The following KCNK12 variants were observed in gnomAD, a reference collection of about 807,000 sequenced individuals.
KCNK12 encodes potassium channel subfamily K member 12.
KCNK12 carries 6 observed loss-of-function variants against 25.3 expected under a neutral mutation model. The observed-to-expected ratio is 0.24, with a 90% CI of 0.13 to 0.47. The LOEUF is 0.47. KCNK12 is among the 20% of genes least tolerant of loss of function. KCNK12 has a pLI of 0.99. For synonymous variants in KCNK12, 331 were observed against 311.1 expected (o/e 1.06, Z -0.67); for missense variants, 444 against 661.7 (o/e 0.67, Z 3.61).
intron 1 of KCNK12, among the ~76,000 whole-genome samples, chr2:47,523,780 G>A (rs991882499): frequency 1.3e-5 from 2 of 152,218 alleles, no homozygotes. Flanking sequence ...GCAGCACCAT[G>A]ATACTGTTCA....
At position 47,565,578 on chromosome 2, in the gene KCNK12, T is replaced by G. The variant is rs1328828639; in HGVS notation, c.391+4363A>C. ...ACCTAATAAAAGGAAGCAAAAATATTTCTGTTTATATCAAGCTGCCATTTG... is the reference window on the plus strand; with the variant it reads ...ACCTAATAAAAGGAAGCAAAAATATGTCTGTTTATATCAAGCTGCCATTTG... On this transcript the variant is annotated intron_variant, in intron 1 of 1. Transcript: ENST00000327876. The surrounding 1 kb of genome is among the most constrained non-coding windows in gnomAD (Gnocchi z 5.0). 6.6e-6 allele frequency: 1 copy of G among 152,228 alleles called. No individual in the cohort carries two copies. Among genetic ancestry groups the G allele is most frequent in the Non-Finnish European group, 1.5e-5 (1 of 68,038 alleles). The allele number at this position is 152,228 out of a possible 1,614,324, so 9.4% of individuals were successfully genotyped here.
At chr2:47,532,778 G>GTGCCTTACCTGATCC (rs1197990454) in intron 1 of KCNK12, among the ~76,000 whole-genome samples, 7 of 152,190 alleles carry the variant, frequency 4.6e-5, no homozygotes, top group Non-Finnish European at 7.4e-5. Context: ...GCCCTGCTCT[G>GTGCCTTACCTGATCC]TAGAAACTTC....
rs1669441316 is a variant in KCNK12, at chr2:47,551,873, C to T, written c.391+18068G>A. On this transcript the variant is annotated intron_variant, in intron 1 of 1. Coordinates refer to ENST00000327876, the MANE Select transcript of KCNK12 (RefSeq NM_022055.2). The surrounding 1 kb of genome is among the most constrained non-coding windows in gnomAD (Gnocchi z 5.3). ...ACTACAGTGGCATTACAGAGAAAGC[C>T]TGGAAACATTACAAGGGAGTAGAGC... is the stretch of plus-strand genomic sequence containing the variant. Among the ~76,000 whole-genome samples, 1 of 152,192 alleles carries T rather than the reference C, an allele frequency of 6.6e-6. No individual in the cohort carries two copies. Among genetic ancestry groups the T allele is most frequent in the Admixed American group, 6.5e-5 (1 of 15,274 alleles).
At chr2:47,544,303 G>A (rs1669265627) in intron 1 of KCNK12, among the ~76,000 whole-genome samples, 1 of 152,202 alleles carries the variant, frequency 6.6e-6, no homozygotes, top group African/African-American at 2.4e-5. Context: ...CTTCCCTTTC[G>A]AAGAGCTGTC....
chr2:47,552,604 C>A (rs1488949893), intron 1 of KCNK12, among the ~76,000 whole-genome samples: 1 of 152,002 alleles, frequency 6.6e-6, no homozygotes, highest in Admixed American at 6.6e-5. Flanking sequence ...CCCATCTCTA[C>A]TAAAAATACA....
At chr2:47,546,638 CAGAG>C (rs1176984349) in intron 1 of KCNK12, among the ~76,000 whole-genome samples, 1 of 152,178 alleles carries the variant, frequency 6.6e-6, no homozygotes, top group Non-Finnish European at 1.5e-5. Flanking sequence ...GCCTGGGTGA[CAGAG>C]AGAGACTCTC....
At position 47,549,022 on chromosome 2, in the gene KCNK12, A is replaced by G. The variant is rs1030494808; in HGVS notation, c.391+20919T>C. Among the ~76,000 whole-genome samples the G allele has an allele frequency of 2.6e-5, 4 of 152,368 alleles. No individual in the cohort carries two copies. The East Asian group carries it at 7.7e-4, about 29-fold the overall frequency. On this transcript the variant is annotated intron_variant, in intron 1 of 1. Transcript: ENST00000327876. ...GTTACTCGCAAAGGTCTGAATAACA[A>G]TCTGTGCAGGTACAGGGTAAAACCT...
Position 47,570,005 on chromosome 2 carries a change from C to A in KCNK12, c.327G>T (p.Ala109=). The change falls in exon 1 of 2, where the codon GCG becomes GCT. Residue 109 remains alanine (A), a synonymous_variant. Transcript: ENST00000327876. ...CGGGGAAGTCCCAGCGCGGGCGCAG[C>A]GCGTCGGCGCGGACGCCGGCGGCCA... is the stretch of plus-strand genomic sequence containing the variant. ...AALAAGVRAD[A]LRPRWDFPGA... is the part of the protein sequence containing the mutation. 1 of 1,430,760 alleles carries A rather than the reference C, an allele frequency of 7.0e-7. No homozygotes were observed. Among genetic ancestry groups the A allele is most frequent in the Non-Finnish European group, 9.2e-7 (1 of 1,091,808 alleles). 88.6% of individuals were successfully genotyped at this position (1,430,760 alleles called of 1,614,324 possible). A position where few individuals can be genotyped will look rare whatever the true frequency, so the allele number is the denominator to read the frequency against.
rs1669180740 is a variant in KCNK12, at chr2:47,540,772, A to AAAC, written c.392-18965_392-18964insGTT. Reference sequence around the variant, plus strand: ...GAGACTCCATCCCTAGAAACAATTAAAAACAAACAAACAAACAAACAAACA... The same window carrying AAAC: ...GAGACTCCATCCCTAGAAACAATTAAAACAAACAAACAAACAAACAAACAAACA... On this transcript the variant is annotated intron_variant, in intron 1 of 1. Coordinates refer to ENST00000327876, the MANE Select transcript of KCNK12 (RefSeq NM_022055.2). The surrounding 1 kb of genome is among the most constrained non-coding windows in gnomAD (Gnocchi z 5.4). 6.7e-6 allele frequency among the ~76,000 whole-genome samples: 1 copy of AAAC among 149,944 alleles called. No individual in the cohort carries two copies. Among genetic ancestry groups the AAAC allele is most frequent in the African/African-American group, 2.5e-5 (1 of 40,454 alleles).
At chr2:47,563,560 G>C (rs1306743563) in intron 1 of KCNK12, 1 of 232,970 alleles carries the variant, frequency 4.3e-6, no homozygotes, top group African/African-American at 2.2e-5. Context: ...TGAGGAACAA[G>C]GGTAAATTCA....
chr2:47,563,355 GTGTC>G (rs1314767692), intron 1 of KCNK12: 1 of 233,476 alleles, frequency 4.3e-6, no homozygotes, highest in Non-Finnish European at 8.5e-6. Context: ...GTGTGTGTGT[GTGTC>G]TGTGTGTGCT....
At position 47,562,586 on chromosome 2, in the gene KCNK12, G is replaced by A. The variant is rs1261033714; in HGVS notation, c.391+7355C>T. 2 of 233,936 alleles carry A rather than the reference G, an allele frequency of 8.5e-6. No homozygotes were observed. Among genetic ancestry groups the A allele is most frequent in the Non-Finnish European group, 8.4e-6 (1 of 118,530 alleles). The allele number at this position is 233,936 out of a possible 1,614,324, so 14.5% of individuals were successfully genotyped here. On this transcript the variant is annotated intron_variant, in intron 1 of 1. Coordinates refer to ENST00000327876, the MANE Select transcript of KCNK12 (RefSeq NM_022055.2). The surrounding 1 kb of genome is among the most constrained non-coding windows in gnomAD (Gnocchi z 4.8). Reference sequence around the variant, plus strand: ...TGGAGAGGGGACCTAGAGTCCCCTGGTAGGTGGCTAGGGAATGGCAGGGTT... The same window carrying A: ...TGGAGAGGGGACCTAGAGTCCCCTGATAGGTGGCTAGGGAATGGCAGGGTT...
Position 47,570,071 on chromosome 2 carries a change from C to G in KCNK12, c.261G>C (p.Glu87Asp). The change falls in exon 1 of 2, where the codon GAG becomes GAC. Residue 87 changes from glutamate to aspartate, a missense_variant. Glu to Asp is a conservative substitution (Grantham distance 45). Around this residue, in one of 8 missense-constraint regions of KCNK12, gnomAD observed 106 missense variants for 142.2 expected, o/e 0.75. Coordinates refer to ENST00000327876, the MANE Select transcript of KCNK12 (RefSeq NM_022055.2). ...GCCGGAGGAAGGCGCGCAGCTCTGG[C>G]TCGGCCACGCCGTGCGCAGCGCTGA... is the stretch of plus-strand genomic sequence containing the variant. ...RNFSAAHGVA[E>D]PELRAFLRHY... is the part of the protein sequence containing the mutation. 5 of 1,393,402 alleles carry G rather than the reference C, an allele frequency of 3.6e-6. No individual in the cohort carries two copies. The highest frequency in any genetic ancestry group is 4.7e-6 in the Non-Finnish European group (5 of 1,074,942). 86.3% of individuals were successfully genotyped at this position (1,393,402 alleles called of 1,614,324 possible). A position where few individuals can be genotyped will look rare whatever the true frequency, so the allele number is the denominator to read the frequency against.
intron 1 of KCNK12, among the ~76,000 whole-genome samples, chr2:47,559,527 C>T (rs1380993886): frequency 6.6e-6 from 1 of 152,196 alleles, no homozygotes; most frequent in East Asian, 1.9e-4. Flanking sequence ...ACAGAAATTA[C>T]CTCTTTGCTG....
At position 47,510,356 on chromosome 2, in the gene KCNK12, A is replaced by G. The variant is rs1668371315; in HGVS notation, c.*10551T>C. On this transcript the variant is annotated 3_prime_UTR_variant, in exon 2 of 2. Coordinates refer to ENST00000327876, the MANE Select transcript of KCNK12 (RefSeq NM_022055.2). ...AATAAACCTTGATTTTTATTCCTTA[A>G]AACTACCCTTCAATGGGTTTTCTGT... The G allele has an allele frequency of 6.6e-6, 1 of 152,200 alleles. No individual in the cohort carries two copies. Among genetic ancestry groups the G allele is most frequent in the African/African-American group, 2.4e-5 (1 of 41,438 alleles). 9.4% of individuals were successfully genotyped at this position (152,200 alleles called of 1,614,324 possible).
rs1233548480 is a variant in KCNK12 at position 47,518,253 on chromosome 2, CA to C, written c.*2653del. ...CTGAGACTGGATTGGGGGATGGGGA[CA>C]GGGGAACATAGGCAAAAATACACAT... On this transcript the variant is annotated 3_prime_UTR_variant, in exon 2 of 2. Coordinates refer to ENST00000327876, the MANE Select transcript of KCNK12 (RefSeq NM_022055.2). This position sits in a 1 kb window ranked among gnomAD's most constrained non-coding sequence, Gnocchi z 4.1. 2 of 152,310 alleles carry C rather than the reference CA, an allele frequency of 1.3e-5. No individual in the cohort carries two copies. The highest frequency in any genetic ancestry group is 4.8e-5 in the African/African-American group (2 of 41,410). 9.4% of individuals were successfully genotyped at this position (152,310 alleles called of 1,614,324 possible).
At chr2:47,524,589 T>C (rs1243466821) in intron 1 of KCNK12, among the ~76,000 whole-genome samples, 2 of 152,142 alleles carry the variant, frequency 1.3e-5, no homozygotes, top group African/African-American at 2.4e-5. Context: ...AAAGTCAGAA[T>C]TGGGATTTCC....
At position 47,570,291 on chromosome 2, in the gene KCNK12, C is replaced by A; in HGVS notation, c.41G>T (p.Arg14Leu). Residue 14 changes from arginine to leucine, a missense_variant, in exon 1 of 2, where the codon CGC becomes CTC. Physicochemically the swap from Arg to Leu is moderately radical, Grantham distance 102. Transcript: ENST00000327876. ...RSPRPPPRRS[R>L]RRLPRPSCCC... ...GCAGGAGGGGCGCGGCAGGCGGCGGCGGCTACGGCGGGGCGGGGGCCGGGG... is the reference window on the plus strand; with the variant it reads ...GCAGGAGGGGCGCGGCAGGCGGCGGAGGCTACGGCGGGGCGGGGGCCGGGG... 1 of 1,373,964 alleles carries A rather than the reference C, an allele frequency of 7.3e-7. No individual in the cohort carries two copies. The highest frequency in any genetic ancestry group is 9.4e-7 in the Non-Finnish European group (1 of 1,065,598). 85.1% of individuals were successfully genotyped at this position (1,373,964 alleles called of 1,614,324 possible). A position where few individuals can be genotyped will look rare whatever the true frequency, so the allele number is the denominator to read the frequency against.
chr2:47,546,749 G>A (rs1157121067), intron 1 of KCNK12, among the ~76,000 whole-genome samples: 3 of 152,144 alleles, frequency 2.0e-5, no homozygotes, highest in Non-Finnish European at 4.4e-5. Flanking sequence ...TTTAAATGAT[G>A]GTAAAAGGAC....
Sources: gnomAD v4.1 joint callset for allele counts (sites outside exome capture counted in the v4.1 genomes callset) on GRCh38, gnomAD v4.1.1 for gene constraint, gnomAD v4.1.1 regional missense constraint, Gnocchi (gnomAD v3.1) non-coding constraint, MANE v1.5 for transcripts, NCBI Gene and HGNC (gene_info 2026-07-23, HGNC 2026-07-21) for gene names.